WASHC5: variants seen among roughly 807,000 people sequenced by gnomAD.
WASHC5 encodes WASH complex subunit 5, also known as WASH complex subunit strumpellin.
A neutral mutation model predicts 150.4 loss-of-function variants in WASHC5; 101 were observed. That is an observed-to-expected ratio of 0.67 (90% confidence interval 0.57 to 0.79). WASHC5 has a LOEUF of 0.79. WASHC5 is among the 30% of genes least tolerant of loss of function. The probability of loss-of-function intolerance (pLI) is 0.00; values close to 1 mark genes in which losing one functional copy is unlikely to be tolerated. For synonymous variants in WASHC5, 467 were observed against 491.2 expected (o/e 0.95, Z 0.65); for missense variants, 1,195 against 1,396.3 (o/e 0.86, Z 2.30).
chr8:125,057,779 C>CAACAACCACCGAATCTCATCAAT, intron 14 of WASHC5, 113 bp from the exon 15 acceptor site: 1 of 717,300 alleles, frequency 1.4e-6, no homozygotes, highest in South Asian at 1.5e-5. Context: ...CAACAGAGGG[C>CAACAACCACCGAATCTCATCAAT]ATTAATAGTT....
chr8:125,056,187 A>AT (rs1816399097), intron 16 of WASHC5, among the ~76,000 whole-genome samples: 1 of 152,172 alleles, frequency 6.6e-6, no homozygotes, highest in African/African-American at 2.4e-5. Context: ...TCTTCACTTG[A>AT]TTTTACTTTT....
rs147860679 is a variant in WASHC5 at position 125,063,124 on chromosome 8, G to A, written c.1408+398C>T. On this transcript the variant is annotated intron_variant, in intron 11 of 28. Transcript: ENST00000318410. ...CATTCTTGGGTGACGTATTCTTCTT[G>A]AGAAGATCATGAGAATTATAGATCC... Among the ~76,000 whole-genome samples the A allele has an allele frequency of 2.9e-3, 441 of 151,924 alleles. 1 individual carries two copies. The highest frequency in any genetic ancestry group is 0.01 in the African/African-American group (426 of 41,422).
In WASHC5 at chr8:125,049,241, G is replaced by A. The variant is rs563440542; in HGVS notation, c.2200-56C>T. The A allele has an allele frequency of 2.9e-4, 447 of 1,565,542 alleles. 3 individuals are homozygous for A. Among genetic ancestry groups the A allele is most frequent in the Middle Eastern group, 2.8e-3 (17 of 5,992 alleles). On this transcript the variant is annotated intron_variant, in intron 18 of 28. Transcript: ENST00000318410. ...CACTGGAGTAGATTGTCAACTATTCGTTCTAATATCTAACTAGACTTTAAA... is the reference window on the plus strand; with the variant it reads ...CACTGGAGTAGATTGTCAACTATTCATTCTAATATCTAACTAGACTTTAAA...
At chr8:125,044,189 G>A in intron 21 of WASHC5, 95 bp from the exon 22 acceptor site, 1 of 862,428 alleles carries the variant, frequency 1.2e-6, no homozygotes, top group Non-Finnish European at 1.9e-6. Flanking sequence ...ACAGAGGCTG[G>A]GCCTAAGTCA....
chr8:125,087,116 G>C (rs1022373225), intron 1 of WASHC5, among the ~76,000 whole-genome samples: 1 of 152,204 alleles, frequency 6.6e-6, no homozygotes, highest in African/African-American at 2.4e-5. Context: ...ATAGTGCTGA[G>C]ATTCAGTTTT....
At chr8:125,047,364 C>A in intron 19 of WASHC5, 33 bp from the exon 20 acceptor site, 1 of 1,602,748 alleles carries the variant, frequency 6.2e-7, no homozygotes, top group South Asian at 1.1e-5. Flanking sequence ...TTTAGTAAAC[C>A]TTTGATAAGA....
chr8:125,028,077 C>G (rs1408147192), intron 28 of WASHC5, among the ~76,000 whole-genome samples: 1 of 152,184 alleles, frequency 6.6e-6, no homozygotes, highest in Non-Finnish European at 1.5e-5. Context: ...TCAGTATCTG[C>G]TGAAAGTTGT....
chr8:125,083,949 G>T lies in WASHC5; in HGVS notation c.-51C>A. On this transcript the variant is annotated 5_prime_UTR_variant, in exon 2 of 29. Coordinates refer to ENST00000318410, the MANE Select transcript of WASHC5 (RefSeq NM_014846.4). ...CCTGGACACTGGGGATGATTAACTG[G>T]CCTCAGAGCTGGTGTCTGTATATTA... 1 of 1,542,032 alleles carries T rather than the reference G, an allele frequency of 6.5e-7. No homozygotes were observed. The highest frequency in any genetic ancestry group is 8.9e-7 in the Non-Finnish European group (1 of 1,120,310).
intron 9 of WASHC5, among the ~76,000 whole-genome samples, chr8:125,070,582 G>A (rs899045762): frequency 6.6e-6 from 1 of 152,230 alleles, no homozygotes; most frequent in Admixed American, 6.5e-5. Flanking sequence ...GTGAGGGCTT[G>A]AGTTGTTTAT....
rs764828347 is a variant in WASHC5, at chr8:125,043,899, A to T, written c.2776T>A (p.Ser926Thr). Residue 926 changes from serine (S) to threonine (T), a missense_variant, in exon 23 of 29, where the codon TCA becomes ACA. Physicochemically the swap from Ser to Thr is moderately conservative, Grantham distance 58 (BLOSUM62 1). Transcript: ENST00000318410. ...ATGGCGGAAAAATAAATTTTATTTG[A>T]ATTTGCTGAAAAGTTAAAACATAAT... is the stretch of plus-strand genomic sequence containing the variant. ...VSPLKSIVAN[S>T]NKIYFSAIAK... 2 of 1,611,982 alleles carry T rather than the reference A, an allele frequency of 1.2e-6. No individual in the cohort carries two copies. The highest frequency in any genetic ancestry group is 2.2e-5 in the South Asian group (2 of 91,030).
In WASHC5 at chr8:125,061,079, T is replaced by C; in HGVS notation, c.1521+3A>G. 6.4e-7 allele frequency: 1 copy of C among 1,563,770 alleles called. No homozygotes were observed. The highest frequency in any genetic ancestry group is 2.2e-5 in the East Asian group (1 of 44,600). The stretch of plus-strand genomic sequence containing the variant: ...AACCTGCATTTAAAAAGCGTTTCCT[T>C]ACCTCTTCCAAAGCTTGTATCAGTT... On this transcript the variant is annotated splice_donor_region_variant and intron_variant, in intron 12 of 28. Transcript: ENST00000318410.
chr8:125,038,220 A>G (rs897162430), intron 25 of WASHC5, among the ~76,000 whole-genome samples: 3 of 152,234 alleles, frequency 2.0e-5, no homozygotes, highest in African/African-American at 4.8e-5. Context: ...ACAGATTTAG[A>G]AAGATAATAT....
In WASHC5 at chr8:125,076,251, A is replaced by C. The variant is rs993399423; in HGVS notation, c.864+97T>G. 2.7e-6 allele frequency: 3 copies of C among 1,111,308 alleles called. No homozygotes were observed. The African/African-American group carries it at 4.6e-5, about 17-fold the overall frequency. 68.8% of individuals were successfully genotyped at this position (1,111,308 alleles called of 1,614,324 possible). A position where few individuals can be genotyped will look rare whatever the true frequency, so the allele number is the denominator to read the frequency against. On this transcript the variant is annotated intron_variant, in intron 7 of 28. Coordinates refer to ENST00000318410, the MANE Select transcript of WASHC5 (RefSeq NM_014846.4). The stretch of plus-strand genomic sequence containing the variant: ...TACCTAAGTGATGTTATGTCCCATT[A>C]TTTACAACATTACAACCTGTGGGTT...
rs7817303 is a variant in WASHC5, at chr8:125,081,640, G to A, written c.518+21C>T. The A allele has an allele frequency of 0.042, 58,215 of 1,395,880 alleles. 2,977 individuals carry two copies. Among genetic ancestry groups the A allele is most frequent in the African/African-American group, 0.19 (13,257 of 70,750 alleles). 86.5% of individuals were successfully genotyped at this position (1,395,880 alleles called of 1,614,324 possible). A position where few individuals can be genotyped will look rare whatever the true frequency, so the allele number is the denominator to read the frequency against. Reference sequence around the variant, plus strand: ...TTACCGACAGCAGCGTTTCGGAAGTGTAGTCCTAGCCCAGGAATACCTGTA... The same window carrying A: ...TTACCGACAGCAGCGTTTCGGAAGTATAGTCCTAGCCCAGGAATACCTGTA... On this transcript the variant is annotated intron_variant, in intron 5 of 28. Coordinates refer to ENST00000318410, the MANE Select transcript of WASHC5 (RefSeq NM_014846.4).
rs1247337386 is a variant in WASHC5 at position 125,028,621 on chromosome 8, C to T, written c.3422G>A (p.Arg1141Lys). 6.2e-7 allele frequency: 1 copy of T among 1,602,788 alleles called. No homozygotes were observed. The highest frequency in any genetic ancestry group is 1.1e-5 in the South Asian group (1 of 90,870). Residue 1141 changes from arginine to lysine, a missense_variant and splice_region_variant, in exon 28 of 29, where the codon AGG (arginine) becomes AAG (lysine). Arg to Lys is a conservative substitution (Grantham distance 26). Around this residue, in one of 3 missense-constraint regions of WASHC5, gnomAD observed 997 missense variants for 1,168.1 expected, o/e 0.85. Transcript: ENST00000318410. ...TGTTCTTTACTATCTATCACTTACC[C>T]TCCTGGGTAGCTTTGTGTACCGAAC... ...DYVRYTKLPR[R>K]VAEAHVPNFI...
At chr8:125,067,513 A>T (rs1218132967) in intron 10 of WASHC5, 79 bp downstream of exon 10, 2 of 1,221,706 alleles carry the variant, frequency 1.6e-6, no homozygotes, top group Non-Finnish European at 2.4e-6. Context: ...AGAGCAAGCA[A>T]TCCTAGTCTT....
In WASHC5 at chr8:125,057,950, G is replaced by A. The variant is rs146827034; in HGVS notation, c.1765-284C>T. 5.3e-3 allele frequency among the ~76,000 whole-genome samples: 810 copies of A among 152,138 alleles called. 4 individuals carry two copies. Among genetic ancestry groups the A allele is most frequent in the Non-Finnish European group, 7.4e-3 (505 of 67,988 alleles). On this transcript the variant is annotated intron_variant, in intron 14 of 28. Transcript: ENST00000318410. ...TGACTTAGTCAGACACCCTGGGGGT[G>A]CGGCCCAGCAATCTGTGTTACAACC...
intron 1 of WASHC5, among the ~76,000 whole-genome samples, chr8:125,084,573 T>C (rs1338829256): frequency 6.6e-6 from 1 of 152,230 alleles, no homozygotes; most frequent in Non-Finnish European, 1.5e-5. Flanking sequence ...AAAAGTCTCA[T>C]AAAATTCAGC....
At chr8:125,080,483 A>C (rs928043461) in intron 5 of WASHC5, among the ~76,000 whole-genome samples, 1 of 150,528 alleles carries the variant, frequency 6.6e-6, no homozygotes, top group African/African-American at 2.5e-5. Flanking sequence ...CTGAGGACAC[A>C]GTAGTACCTG....
Sources: allele counts gnomAD v4.1 joint callset (sites outside exome capture counted in the v4.1 genomes callset), GRCh38; gene constraint gnomAD v4.1.1; regional missense constraint gnomAD v4.1.1; transcripts MANE v1.5; gene names NCBI Gene and HGNC (gene_info 2026-07-23, HGNC 2026-07-21).